The following DTNB variants were observed in gnomAD, a reference collection of about 807,000 sequenced individuals.
DTNB encodes the protein dystrobrevin beta.
A neutral mutation model predicts 90.7 loss-of-function variants in DTNB; 63 were observed. The observed-to-expected ratio is 0.69, with a 90% CI of 0.57 to 0.86. DTNB has a LOEUF of 0.86. Ranked by LOEUF, DTNB falls within the 40% of genes least tolerant of loss-of-function variation. The pLI is 0.00. For synonymous variants in DTNB, 277 were observed against 286.7 expected (o/e 0.97, Z 0.34); for missense variants, 744 against 807.1 (o/e 0.92, Z 0.95).
chr2:25,499,054 A>G (rs2069750848), intron 9 of DTNB, among the ~76,000 whole-genome samples: 1 of 151,846 alleles, frequency 6.6e-6, no homozygotes, highest in Admixed American at 6.6e-5. Flanking sequence ...TGTCTCTACT[A>G]AAAATAGGAA....
intron 4 of DTNB, among the ~76,000 whole-genome samples, chr2:25,616,463 C>T (rs1005795448): frequency 3.3e-5 from 5 of 151,988 alleles, no homozygotes; most frequent in Non-Finnish European, 7.4e-5. Context: ...GATTCAGAGA[C>T]TCTCATATTC....
intron 1 of DTNB, among the ~76,000 whole-genome samples, chr2:25,663,811 G>T (rs2083765296): frequency 6.6e-6 from 1 of 152,080 alleles, no homozygotes; most frequent in South Asian, 2.1e-4. Context: ...GCTAATACAG[G>T]ATACTTTTCA....
chr2:25,473,151 A>G (rs900288323), intron 10 of DTNB, among the ~76,000 whole-genome samples: 1 of 152,218 alleles, frequency 6.6e-6, no homozygotes, highest in African/African-American at 2.4e-5. Flanking sequence ...ATTCCCCAAT[A>G]AGATCCATGA....
chr2:25,606,624 C>A (rs890920142), intron 5 of DTNB, among the ~76,000 whole-genome samples: 2 of 152,022 alleles, frequency 1.3e-5, no homozygotes, highest in Admixed American at 6.6e-5. Context: ...AAACCATAAG[C>A]AGCAAAATTA....
chr2:25,610,991 T>A (rs2068478881), intron 4 of DTNB, among the ~76,000 whole-genome samples: 1 of 152,222 alleles, frequency 6.6e-6, no homozygotes, highest in South Asian at 2.1e-4. Flanking sequence ...ATTGCAGGCG[T>A]GAGCCACTGC....
rs755885793 is a variant in DTNB, at chr2:25,455,458, G to A, written c.1116C>T (p.Ala372=). 1.4e-5 allele frequency: 23 copies of A among 1,607,602 alleles called. No homozygotes were observed. In the East Asian group the frequency reaches 1.6e-4, roughly 11 times the overall value. ...QYSQDIPSHL[A]DEHALIASYV... ...AGGAGGCTATCAGCGCATGCTCATC[G>A]GCCAAGTGACTGGGTATATCCTGGC... The change falls in exon 11 of 21, where the codon GCC becomes GCT. Residue 372 remains alanine (A), a synonymous_variant. Coordinates refer to ENST00000406818, the MANE Select transcript of DTNB (RefSeq NM_021907.5).
chr2:25,575,044 C>A (rs1260530133), intron 8 of DTNB, among the ~76,000 whole-genome samples: 1 of 151,978 alleles, frequency 6.6e-6, no homozygotes, highest in Non-Finnish European at 1.5e-5. Flanking sequence ...AAATACAAAA[C>A]CCCCATTTTT....
intron 14 of DTNB, 97 bp downstream of exon 14, chr2:25,432,789 A>G: frequency 1.6e-6 from 2 of 1,265,668 alleles, no homozygotes; most frequent in Non-Finnish European, 1.1e-6. Context: ...GATTGTTTAT[A>G]CTGAACAACA....
At chr2:25,377,882 C>T (rs1019723128) in intron 20 of DTNB, among the ~76,000 whole-genome samples, 2 of 152,196 alleles carry the variant, frequency 1.3e-5, no homozygotes, top group African/African-American at 2.4e-5. Context: ...GCCTCAGCCC[C>T]CGGCCAGCAG....
intron 14 of DTNB, 49 bp from the exon 15 acceptor site, chr2:25,427,680 T>C: frequency 6.3e-7 from 1 of 1,578,206 alleles, no homozygotes; most frequent in Non-Finnish European, 8.6e-7. Context: ...CAAAGATGGA[T>C]CTAAGGCCAG....
At chr2:25,427,415 T>C (rs2052167620) in intron 15 of DTNB, 120 bp downstream of exon 15, 1 of 912,032 alleles carries the variant, frequency 1.1e-6, no homozygotes, top group Non-Finnish European at 1.6e-6. Context: ...ATCTGAAAAC[T>C]GATTCTAGGC....
intron 4 of DTNB, among the ~76,000 whole-genome samples, chr2:25,621,549 C>A (rs796195363): frequency 6.7e-6 from 1 of 148,326 alleles, no homozygotes; most frequent in Non-Finnish European, 1.5e-5. Flanking sequence ...CGGGTTCAAG[C>A]GATTCTCCTG....
chr2:25,546,210 G>A (rs1411096023), intron 8 of DTNB, among the ~76,000 whole-genome samples: 1 of 152,150 alleles, frequency 6.6e-6, no homozygotes, highest in Admixed American at 6.5e-5. Context: ...TTGCATAAGT[G>A]GACCAGGGTG....
chr2:25,460,707 C>T (rs1273999254), intron 10 of DTNB, among the ~76,000 whole-genome samples: 1 of 152,046 alleles, frequency 6.6e-6, no homozygotes, highest in African/African-American at 2.4e-5. Flanking sequence ...TTAGAAGTCA[C>T]CAGTGTGCTT....
intron 3 of DTNB, among the ~76,000 whole-genome samples, chr2:25,637,343 C>T (rs2077328396): frequency 6.6e-6 from 1 of 152,082 alleles, no homozygotes. Flanking sequence ...GCAACAAAAT[C>T]CAAAATTGAC....
At chr2:25,555,888 C>T (rs1391562567) in intron 8 of DTNB, among the ~76,000 whole-genome samples, 1 of 152,078 alleles carries the variant, frequency 6.6e-6, no homozygotes, top group Non-Finnish European at 1.5e-5. Flanking sequence ...GGCATGGTGG[C>T]GTGTGCCTGT....
At chr2:25,570,980 T>A (rs2059780980) in intron 8 of DTNB, among the ~76,000 whole-genome samples, 1 of 152,194 alleles carries the variant, frequency 6.6e-6, no homozygotes, top group South Asian at 2.1e-4. Flanking sequence ...AATAAGCAAC[T>A]TAAGTTCAAC....
At chr2:25,520,211 G>A (rs180702635) in intron 9 of DTNB, among the ~76,000 whole-genome samples, 5 of 152,160 alleles carry the variant, frequency 3.3e-5, no homozygotes, top group African/African-American at 7.2e-5. Context: ...GTGAAACCCC[G>A]TCTCTACTAA....
intron 4 of DTNB, among the ~76,000 whole-genome samples, chr2:25,612,991 A>T (rs2148572019): frequency 6.6e-6 from 1 of 152,348 alleles, no homozygotes; most frequent in East Asian, 1.9e-4. Flanking sequence ...AAACATTTAA[A>T]GAAGAAAAAC....
Sources: allele counts gnomAD v4.1 joint callset (sites outside exome capture counted in the v4.1 genomes callset), GRCh38; gene constraint gnomAD v4.1.1; transcripts MANE v1.5; gene names NCBI Gene and HGNC (gene_info 2026-07-23, HGNC 2026-07-21).